RAD54B: variants seen among roughly 807,000 people sequenced by gnomAD.
The protein encoded by RAD54B is DNA repair and recombination protein RAD54B.
In RAD54B, 78 loss-of-function variants were observed where a neutral mutation model predicts 95.8. The ratio of observed to expected loss-of-function variants is 0.81; its 90% CI spans 0.68 to 0.98. RAD54B has a LOEUF of 0.98. Among genes scored for constraint, RAD54B ranks in the 50% least tolerant of loss-of-function variants. The pLI is 0.00. For synonymous variants in RAD54B, 328 were observed against 354.9 expected (o/e 0.92, Z 0.85); for missense variants, 957 against 1,056.6 (o/e 0.91, Z 1.31).
At chr8:94,373,499 T>C (rs1278879921) in intron 14 of RAD54B, among the ~76,000 whole-genome samples, 1 of 152,218 alleles carries the variant, frequency 6.6e-6, no homozygotes, top group Non-Finnish European at 1.5e-5. Context: ...CTCTCACTGC[T>C]GGCTGGCAGA....
chr8:94,443,350 C>A (rs1812444806), intron 3 of RAD54B, among the ~76,000 whole-genome samples: 2 of 152,136 alleles, frequency 1.3e-5, no homozygotes, highest in Non-Finnish European at 2.9e-5. Flanking sequence ...GGAAGAATAA[C>A]TAATGAATGT....
chr8:94,458,475 C>A, intron 2 of RAD54B, 39 bp from the exon 3 acceptor site: 1 of 1,435,180 alleles, frequency 7.0e-7, no homozygotes, highest in Non-Finnish European at 9.3e-7. Flanking sequence ...AGAACTCAAA[C>A]CTAATTTTCT....
chr8:94,423,315 G>A (rs963286452), intron 3 of RAD54B, among the ~76,000 whole-genome samples: 18 of 152,206 alleles, frequency 1.2e-4, no homozygotes, highest in African/African-American at 2.9e-4. Context: ...CCCAGAAGGC[G>A]GAGTTGCAGT....
chr8:94,464,689 TTTAAA>T (rs1812982500), intron 2 of RAD54B, among the ~76,000 whole-genome samples: 1 of 152,196 alleles, frequency 6.6e-6, no homozygotes. Flanking sequence ...CTGTATGGTA[TTTAAA>T]TTATATCTGT....
intron 1 of RAD54B, among the ~76,000 whole-genome samples, chr8:94,472,332 A>C (rs1428776104): frequency 2.0e-5 from 3 of 152,320 alleles, no homozygotes; most frequent in African/African-American, 7.2e-5. Context: ...TATAACTGAC[A>C]CAAGTTTGAA....
chr8:94,464,007 G>GACCCATAATT (rs1812969519), intron 2 of RAD54B, among the ~76,000 whole-genome samples: 1 of 151,882 alleles, frequency 6.6e-6, no homozygotes, highest in Non-Finnish European at 1.5e-5. Flanking sequence ...GCTAAAAAGT[G>GACCCATAATT]GAAACAACCC....
rs140184072 is a variant in RAD54B at position 94,435,839 on chromosome 8, AAAC to A, written c.304+22426_304+22428del. On this transcript the variant is annotated intron_variant, in intron 3 of 14. Coordinates refer to ENST00000336148, the MANE Select transcript of RAD54B (RefSeq NM_012415.3). ...GTGAAACTAGACTATTAAGGAATAAAAACAACAACAACAAAAAACTTTTAATTT... is the reference window on the plus strand; with the variant it reads ...GTGAAACTAGACTATTAAGGAATAAAAACAACAACAAAAAACTTTTAATTT... Among the ~76,000 whole-genome samples, 1,013 of 152,180 alleles carry A rather than the reference AAAC, an allele frequency of 6.7e-3. 14 individuals carry two copies. The highest frequency in any genetic ancestry group is 0.023 in the African/African-American group (957 of 41,530).
At chr8:94,398,977 C>T (rs893422095) in intron 8 of RAD54B, among the ~76,000 whole-genome samples, 3 of 152,108 alleles carry the variant, frequency 2.0e-5, no homozygotes, top group East Asian at 1.9e-4. Context: ...ACACTTACCA[C>T]GTGTCAGGTA....
intron 3 of RAD54B, among the ~76,000 whole-genome samples, chr8:94,422,587 C>CAAAAAAAAAAAAAAAAAAA (rs60701725): frequency 7.0e-5 from 1 of 14,290 alleles, no homozygotes; most frequent in African/African-American, 1.6e-4. Flanking sequence ...GACTTCGTCT[C>CAAAAAAAAAAAAAAAAAAA]AAAAAAAAAA....
chr8:94,394,642 T>G (rs1586132993), intron 8 of RAD54B, among the ~76,000 whole-genome samples: 1 of 152,160 alleles, frequency 6.6e-6, no homozygotes, highest in Non-Finnish European at 1.5e-5. Context: ...ATATTACATA[T>G]AGTATGCAAT....
At chr8:94,457,876 G>T (rs894901992) in intron 3 of RAD54B, among the ~76,000 whole-genome samples, 1 of 152,062 alleles carries the variant, frequency 6.6e-6, no homozygotes, top group Admixed American at 6.6e-5. Context: ...ATTCAACTCT[G>T]ATTTGAAGTA....
chr8:94,395,873 C>A (rs1345577167), intron 8 of RAD54B, among the ~76,000 whole-genome samples: 4 of 152,178 alleles, frequency 2.6e-5, no homozygotes, highest in African/African-American at 9.7e-5. Flanking sequence ...TCCTTGATGA[C>A]AACGTTGGGT....
intron 12 of RAD54B, among the ~76,000 whole-genome samples, chr8:94,379,895 T>C (rs1810690472): frequency 6.6e-6 from 1 of 152,222 alleles, no homozygotes; most frequent in Non-Finnish European, 1.5e-5. Context: ...ATCCTGGCTC[T>C]GCATCTTACA....
intron 14 of RAD54B, among the ~76,000 whole-genome samples, chr8:94,374,195 C>T (rs1243881928): frequency 2.0e-5 from 3 of 151,912 alleles, no homozygotes; most frequent in Admixed American, 6.6e-5. Context: ...AGGAGAATGG[C>T]GTTAACCCGG....
intron 3 of RAD54B, among the ~76,000 whole-genome samples, chr8:94,442,919 T>C (rs562501517): frequency 5.9e-5 from 9 of 152,280 alleles, no homozygotes; most frequent in Non-Finnish European, 1.3e-4. Flanking sequence ...TGTCCCGCAA[T>C]GGCAAAAGGA....
intron 3 of RAD54B, among the ~76,000 whole-genome samples, chr8:94,414,354 C>T (rs1811602269): frequency 6.6e-6 from 1 of 152,178 alleles, no homozygotes; most frequent in South Asian, 2.1e-4. Context: ...CCAGAACTTC[C>T]AACACTATGT....
Position 94,372,149 on chromosome 8 carries a change from A to C in RAD54B, c.*21T>G. Reference sequence around the variant, plus strand: ...CTAATTTTCAAAAGAAGAGCAATGGAATGTCAGAAGTAATCTTTCACTATG... The same window carrying C: ...CTAATTTTCAAAAGAAGAGCAATGGCATGTCAGAAGTAATCTTTCACTATG... On this transcript the variant is annotated 3_prime_UTR_variant, in exon 15 of 15. Transcript: ENST00000336148. 3.2e-6 allele frequency: 5 copies of C among 1,573,574 alleles called. No homozygotes were observed. The highest frequency in any genetic ancestry group is 4.3e-6 in the Non-Finnish European group (5 of 1,167,602).
At chr8:94,410,287 G>A (rs188424614) in intron 4 of RAD54B, among the ~76,000 whole-genome samples, 1 of 152,144 alleles carries the variant, frequency 6.6e-6, no homozygotes, top group East Asian at 1.9e-4. Flanking sequence ...TGCTTCCTGG[G>A]CAGATTAAAT....
chr8:94,468,953 C>T (rs1243880235), intron 1 of RAD54B, among the ~76,000 whole-genome samples: 1 of 151,882 alleles, frequency 6.6e-6, no homozygotes, highest in East Asian at 1.9e-4. Flanking sequence ...AGCAGCAAGA[C>T]TTCAACTGAA....
Sources: allele counts gnomAD v4.1 joint callset (sites outside exome capture counted in the v4.1 genomes callset), GRCh38; gene constraint gnomAD v4.1.1; transcripts MANE v1.5; gene names NCBI Gene and HGNC (gene_info 2026-07-23, HGNC 2026-07-21).